Variants in FXYD6 observed in about 807,000 individuals in gnomAD.
FXYD6 encodes the protein FXYD domain containing ion transport regulator 6, also known as FXYD domain-containing ion transport regulator 6.
Under a neutral mutation model 16.7 loss-of-function variants are expected in FXYD6, and 7 were observed. The observed-to-expected ratio is 0.42, with a 90% CI of 0.24 to 0.79. FXYD6 has a LOEUF of 0.79. FXYD6 is among the 30% of genes least tolerant of loss of function. The pLI is 0.28. For synonymous variants in FXYD6, 49 were observed against 43.0 expected (o/e 1.14, Z -0.54); for missense variants, 111 against 116.2 (o/e 0.95, Z 0.21).
intron 5 of FXYD6, 101 bp from the exon 6 acceptor site, chr11:117,840,469 C>T: frequency 1.3e-6 from 2 of 1,518,860 alleles, no homozygotes; most frequent in Non-Finnish European, 9.1e-7. Context: ...TGCAGTCAGG[C>T]TCCTCCCAGT....
At position 117,872,134 on chromosome 11, in the gene FXYD6, C is replaced by T. The variant is rs73020425; in HGVS notation, c.-6+4458G>A. ...ACATCAGTGGGTAAAATGGAATGGG[C>T]TGAGAGGGTGGACGTTCACAGGCCA... is the stretch of plus-strand genomic sequence containing the variant. On this transcript the variant is annotated intron_variant, in intron 1 of 7. Coordinates refer to ENST00000526014, the MANE Select transcript of FXYD6 (RefSeq NM_022003.4). This position sits in a 1 kb window ranked among gnomAD's most constrained non-coding sequence, Gnocchi z 4.9. Among the ~76,000 whole-genome samples, 982 of 152,232 alleles carry T rather than the reference C, an allele frequency of 6.5e-3. 10 individuals carry two copies. The highest frequency in any genetic ancestry group is 0.014 in the Middle Eastern group (4 of 294).
intron 1 of FXYD6, among the ~76,000 whole-genome samples, chr11:117,873,196 G>T (rs940404915): frequency 6.6e-6 from 1 of 152,072 alleles, no homozygotes; most frequent in Non-Finnish European, 1.5e-5. Flanking sequence ...TTTCTCCAGG[G>T]TAACCAGAGC....
chr11:117,839,693 G>A, intron 7 of FXYD6, 88 bp downstream of exon 7: 1 of 1,525,874 alleles, frequency 6.6e-7, no homozygotes, highest in South Asian at 1.1e-5. Context: ...GCAAAAGCTA[G>A]CCCCATCCTT....
At chr11:117,853,699 C>T (rs780993286) in intron 1 of FXYD6, among the ~76,000 whole-genome samples, 19 of 152,086 alleles carry the variant, frequency 1.2e-4, no homozygotes, top group Non-Finnish European at 2.4e-4. Context: ...ACCATGTTGG[C>T]CAGGCTGGGT....
At chr11:117,865,370 C>T (rs2056992194) in intron 1 of FXYD6, among the ~76,000 whole-genome samples, 1 of 152,134 alleles carries the variant, frequency 6.6e-6, no homozygotes, top group African/African-American at 2.4e-5. Context: ...TGGATATATA[C>T]CCAAAAGAAT....
At chr11:117,867,554 C>A (rs2057037439) in intron 1 of FXYD6, among the ~76,000 whole-genome samples, 1 of 152,210 alleles carries the variant, frequency 6.6e-6, no homozygotes, top group African/African-American at 2.4e-5. Flanking sequence ...ATACCTCCCT[C>A]CCAAACTCAA....
At chr11:117,861,284 T>C (rs551416117) in intron 1 of FXYD6, among the ~76,000 whole-genome samples, 1 of 152,204 alleles carries the variant, frequency 6.6e-6, no homozygotes, top group South Asian at 2.1e-4. Flanking sequence ...AAAGACATGG[T>C]AGGAAAGACC....
Position 117,838,072 on chromosome 11 carries a change from G to A in FXYD6, c.*227C>T, listed in dbSNP as rs970786571. On this transcript the variant is annotated 3_prime_UTR_variant, in exon 8 of 8. Transcript: ENST00000526014. ...ACACACACACACACACACACATCACGGGAGGTGGGCAGGACCGCAGGCTGC... is the reference window on the plus strand; with the variant it reads ...ACACACACACACACACACACATCACAGGAGGTGGGCAGGACCGCAGGCTGC... The A allele has an allele frequency of 3.0e-6, 2 of 674,144 alleles. No individual in the cohort carries two copies. Among genetic ancestry groups the A allele is most frequent in the East Asian group, 2.7e-5 (1 of 36,810 alleles). 41.8% of individuals were successfully genotyped at this position (674,144 alleles called of 1,614,324 possible).
chr11:117,866,340 TG>T, intron 1 of FXYD6, among the ~76,000 whole-genome samples: 1 of 151,770 alleles, frequency 6.6e-6, no homozygotes, highest in East Asian at 1.9e-4. Flanking sequence ...GGGGGGGAAA[TG>T]GGTATAGGTG....
intron 1 of FXYD6, among the ~76,000 whole-genome samples, chr11:117,873,493 C>T (rs186878645): frequency 1.3e-5 from 2 of 152,358 alleles, no homozygotes; most frequent in East Asian, 1.9e-4. Context: ...GTGCAATGAA[C>T]GCATTTGCCT....
chr11:117,857,626 C>T (rs1488090210), intron 1 of FXYD6, among the ~76,000 whole-genome samples: 3 of 152,058 alleles, frequency 2.0e-5, no homozygotes, highest in Non-Finnish European at 4.4e-5. Context: ...CCAAGATGGT[C>T]TCGATCTCTT....
intron 1 of FXYD6, among the ~76,000 whole-genome samples, chr11:117,875,496 G>T (rs556307723): frequency 1.5e-4 from 23 of 152,218 alleles, no homozygotes; most frequent in African/African-American, 5.5e-4. Flanking sequence ...AGTTTCCATG[G>T]CAACGACCAG....
At chr11:117,861,729 T>TGGGG (rs2056910500) in intron 1 of FXYD6, among the ~76,000 whole-genome samples, 1 of 152,126 alleles carries the variant, frequency 6.6e-6, no homozygotes, top group Non-Finnish European at 1.5e-5. Flanking sequence ...AGTTACTTCC[T>TGGGG]CCCCCTTCCC....
At chr11:117,864,681 G>A (rs1316965489) in intron 1 of FXYD6, among the ~76,000 whole-genome samples, 1 of 152,116 alleles carries the variant, frequency 6.6e-6, no homozygotes, top group Non-Finnish European at 1.5e-5. Flanking sequence ...CCACCTCCGG[G>A]GTTCAAGCAA....
intron 1 of FXYD6, among the ~76,000 whole-genome samples, chr11:117,847,649 A>C (rs1356619449): frequency 6.6e-6 from 1 of 151,856 alleles, no homozygotes; most frequent in African/African-American, 2.4e-5. Context: ...TTTTCTGAGA[A>C]TGATGGTTTC....
chr11:117,840,219 G>T, intron 6 of FXYD6, 100 bp downstream of exon 6: 1 of 1,517,412 alleles, frequency 6.6e-7, no homozygotes, highest in Non-Finnish European at 9.1e-7. Flanking sequence ...GCGGGAGCAT[G>T]TCTGGCTGGC....
intron 1 of FXYD6, among the ~76,000 whole-genome samples, chr11:117,866,167 T>C (rs2057009470): frequency 6.6e-6 from 1 of 152,040 alleles, no homozygotes; most frequent in Non-Finnish European, 1.5e-5. Context: ...GAGTGTTTAA[T>C]GGGTATGGAG....
Position 117,870,255 on chromosome 11 carries a change from G to A in FXYD6, c.-6+6337C>T, listed in dbSNP as rs2057105940. Among the ~76,000 whole-genome samples, 1 of 152,276 alleles carries A rather than the reference G, an allele frequency of 6.6e-6. No individual in the cohort carries two copies. The highest frequency in any genetic ancestry group is 2.4e-5 in the African/African-American group (1 of 41,478). On this transcript the variant is annotated intron_variant, in intron 1 of 7. Coordinates refer to ENST00000526014, the MANE Select transcript of FXYD6 (RefSeq NM_022003.4). This position sits in a 1 kb window ranked among gnomAD's most constrained non-coding sequence, Gnocchi z 4.2. The stretch of plus-strand genomic sequence containing the variant: ...CTGAGGCCCCTCTGGTTCCCCAGGA[G>A]ATCTCGGTCTGGCTCCAGAGAGTCT...
Position 117,872,331 on chromosome 11 carries a change from G to A in FXYD6, c.-6+4261C>T, listed in dbSNP as rs191293980. 2.2e-3 allele frequency among the ~76,000 whole-genome samples: 342 copies of A among 152,298 alleles called. 1 individual carries two copies. Among genetic ancestry groups the A allele is most frequent in the Non-Finnish European group, 4.0e-3 (274 of 68,022 alleles). On this transcript the variant is annotated intron_variant, in intron 1 of 7. Transcript: ENST00000526014. The surrounding 1 kb of genome is among the most constrained non-coding windows in gnomAD (Gnocchi z 4.9). ...GCATGGAGGGGCTCTTCCTATGGAG[G>A]AAGAAAGTCGCAGGGCCTCCTGGTA...
Sources: gnomAD v4.1 joint callset for allele counts (sites outside exome capture counted in the v4.1 genomes callset) on GRCh38, gnomAD v4.1.1 for gene constraint, Gnocchi (gnomAD v3.1) non-coding constraint, MANE v1.5 for transcripts, NCBI Gene and HGNC (gene_info 2026-07-23, HGNC 2026-07-21) for gene names.